Variants in GALNT9 observed in about 807,000 individuals in gnomAD.
The protein encoded by GALNT9 is polypeptide N-acetylgalactosaminyltransferase 9.
In GALNT9, 47 loss-of-function variants were observed where a neutral mutation model predicts 63.1. That is an observed-to-expected ratio of 0.75 (90% CI 0.59 to 0.95). The LOEUF is 0.95. GALNT9 is among the 40% of genes least tolerant of loss of function. GALNT9 has a pLI of 0.00. For synonymous variants in GALNT9, 396 were observed against 365.7 expected (o/e 1.08, Z -0.94); for missense variants, 829 against 874.8 (o/e 0.95, Z 0.66).
chr12:132,203,479 C>T (rs201063833), intron 7 of GALNT9, 26 bp downstream of exon 7: 45 of 1,610,440 alleles, frequency 2.8e-5, no homozygotes, highest in Middle Eastern at 3.3e-4. Flanking sequence ...GGCATGGCCC[C>T]GGCTCCCGGC....
intron 6 of GALNT9, among the ~76,000 whole-genome samples, chr12:132,228,407 G>A (rs899063211): frequency 7.5e-5 from 10 of 134,202 alleles, no homozygotes; most frequent in African/African-American, 2.2e-4. Context: ...GAGGCAGGGC[G>A]GCCCGTCAGC....
chr12:132,247,525 C>T, intron 6 of GALNT9: 1 of 459,598 alleles, frequency 2.2e-6, no homozygotes, highest in South Asian at 1.6e-5. Context: ...CTGGAGAGGG[C>T]TCAGTGCGCT....
chr12:132,247,999 C>G lies in GALNT9; in HGVS notation c.988G>C (p.Val330Leu), dbSNP rs782365948. 1 of 1,551,350 alleles carries G rather than the reference C, an allele frequency of 6.4e-7. No individual in the cohort carries two copies. Among genetic ancestry groups the G allele is most frequent in the Admixed American group, 2.0e-5 (1 of 51,012 alleles). ...RTPAMIGCSF[V>L]VDREYFGDIG... is the part of the protein sequence containing the mutation. ...TCTCCGAAGTACTCGCGGTCCACTA[C>G]GAAGGAGCAGCCGATCATGGCTGGG... The change falls in exon 6 of 11, where the codon GTA (valine) becomes CTA (leucine). Residue 330 changes from valine to leucine, a missense_variant. By Grantham distance (32) the Val-to-Leu change is conservative (BLOSUM62 1). Transcript: ENST00000328957.
At chr12:132,237,733 G>T (rs2136895531) in intron 6 of GALNT9, among the ~76,000 whole-genome samples, 2 of 152,208 alleles carry the variant, frequency 1.3e-5, no homozygotes, top group Non-Finnish European at 2.9e-5. Context: ...TGCTCAGTTC[G>T]GGGCCACCTG....
rs1372074753 is a variant in GALNT9 at position 132,245,493 on chromosome 12, G to C, written c.1077+2417C>G. Among the ~76,000 whole-genome samples the C allele has an allele frequency of 3.9e-5, 6 of 152,024 alleles. No individual in the cohort carries two copies. The highest frequency in any genetic ancestry group is 2.0e-4 in the Admixed American group (3 of 15,264). On this transcript the variant is annotated intron_variant, in intron 6 of 10. Transcript: ENST00000328957. The surrounding 1 kb of genome is among the most constrained non-coding windows in gnomAD (Gnocchi z 6.3). Reference sequence around the variant, plus strand: ...GGAGACGGGAGGGAAGCTCTCCAACGGCTGCAGCCAGGGCCCTCTGTGGTC... The same window carrying C: ...GGAGACGGGAGGGAAGCTCTCCAACCGCTGCAGCCAGGGCCCTCTGTGGTC...
Position 132,197,819 on chromosome 12 carries a change from T to C in GALNT9, c.1638A>G (p.Pro546=). The C allele has an allele frequency of 6.3e-7, 1 of 1,595,960 alleles. No homozygotes were observed. The highest frequency in any genetic ancestry group is 8.5e-7 in the Non-Finnish European group (1 of 1,172,304). The part of the protein sequence containing the change: ...TLKKCEDVAR[P]TQRLWDFTQS... ...GGGTGAAGTCCCACAGCCGCTGTGT[T>C]GGCCGCGCCACATCCTCACACTTCT... Residue 546 remains proline (P), a synonymous_variant, in exon 10 of 11, where the codon CCA becomes CCG. Transcript: ENST00000328957.
At position 132,201,413 on chromosome 12, in the gene GALNT9, A is replaced by ACCC. The variant is rs35906641; in HGVS notation, c.1264-155_1264-153dup. 8.8e-3 allele frequency: 5,165 copies of ACCC among 588,344 alleles called. 125 individuals carry two copies. The highest frequency in any genetic ancestry group is 0.071 in the East Asian group (2,490 of 35,028). The allele number at this position is 588,344 out of a possible 1,614,324, so 36.4% of individuals were successfully genotyped here. A position where few individuals can be genotyped will look rare whatever the true frequency, so the allele number is the denominator to read the frequency against. On this transcript the variant is annotated intron_variant, in intron 7 of 10. Transcript: ENST00000328957. ...GATGCTGAGGCCCCATCCAGTTGGG[A>ACCC]CCCCCCAGCCTCCTAATATCCACAG...
chr12:132,284,613 A>T (rs782409190), intron 2 of GALNT9: 12 of 152,266 alleles, frequency 7.9e-5, no homozygotes, highest in Non-Finnish European at 1.5e-4. Flanking sequence ...CACACTCTGG[A>T]TGTGGCTGAG....
At chr12:132,295,924 G>GAACAGGGAGA (rs1881047688) in intron 1 of GALNT9, among the ~76,000 whole-genome samples, 6 of 49,312 alleles carry the variant, frequency 1.2e-4, no homozygotes, top group African/African-American at 8.7e-4. Context: ...GAACAGGGAC[G>GAACAGGGAGA]GCCTCCGAAC....
At chr12:132,204,611 C>A (rs150185509) in intron 6 of GALNT9, among the ~76,000 whole-genome samples, 2 of 152,280 alleles carry the variant, frequency 1.3e-5, no homozygotes, top group Non-Finnish European at 2.9e-5. Flanking sequence ...AATCTCGGTA[C>A]CCTCAGCCCC....
chr12:132,268,378 C>T (rs2135549411), intron 2 of GALNT9, among the ~76,000 whole-genome samples: 2 of 152,314 alleles, frequency 1.3e-5, no homozygotes, highest in Middle Eastern at 6.8e-3. Context: ...GTACCTTCCA[C>T]CACATACAAA....
Position 132,294,455 on chromosome 12 carries a change from G to A in GALNT9, c.239-8025C>T, listed in dbSNP as rs137922017. Among the ~76,000 whole-genome samples the A allele has an allele frequency of 3.7e-3, 561 of 152,366 alleles. 1 individual carries two copies. The highest frequency in any genetic ancestry group is 0.012 in the African/African-American group (518 of 41,590). On this transcript the variant is annotated intron_variant, in intron 1 of 10. Transcript: ENST00000328957. ...AGAAGTGTCTGATCCACAGGTGCACGTCAGGCAGGAGACTCAGGAGCTCTG... is the reference window on the plus strand; with the variant it reads ...AGAAGTGTCTGATCCACAGGTGCACATCAGGCAGGAGACTCAGGAGCTCTG...
At chr12:132,291,510 A>G (rs1252008933) in intron 1 of GALNT9, among the ~76,000 whole-genome samples, 1 of 146,966 alleles carries the variant, frequency 6.8e-6, no homozygotes, top group African/African-American at 2.6e-5. Context: ...CCACGTCCAC[A>G]CCACCCACAT....
intron 6 of GALNT9, among the ~76,000 whole-genome samples, chr12:132,235,695 GAGTTCAACCCT>G (rs1877980103): frequency 9.3e-5 from 14 of 149,960 alleles, no homozygotes; most frequent in Middle Eastern, 3.4e-3. Flanking sequence ...CCCCGGGCTG[GAGTTCAACCCT>G]CGGGACAGGG....
chr12:132,258,225 C>G (rs1775348534), intron 4 of GALNT9, among the ~76,000 whole-genome samples: 1 of 152,210 alleles, frequency 6.6e-6, no homozygotes, highest in Admixed American at 6.5e-5. Flanking sequence ...CGGGGCTCCC[C>G]AGCTCGGTCT....
At chr12:132,214,628 C>T (rs914233293) in intron 6 of GALNT9, among the ~76,000 whole-genome samples, 25 of 152,370 alleles carry the variant, frequency 1.6e-4, no homozygotes, top group South Asian at 4.1e-4. Context: ...CCTGCTCACC[C>T]GGCCTTGCCC....
intron 2 of GALNT9, among the ~76,000 whole-genome samples, chr12:132,285,239 A>G (rs1306252962): frequency 6.6e-6 from 1 of 152,212 alleles, no homozygotes; most frequent in African/African-American, 2.4e-5. Flanking sequence ...ACGCGGCCCC[A>G]CTGGGCAGCC....
chr12:132,297,776 C>T (rs1269709040), intron 1 of GALNT9, among the ~76,000 whole-genome samples: 2 of 151,736 alleles, frequency 1.3e-5, no homozygotes, highest in Non-Finnish European at 2.9e-5. Context: ...GACAACCAAA[C>T]CGATCCCACA....
intron 3 of GALNT9, among the ~76,000 whole-genome samples, chr12:132,261,444 T>C (rs1422817282): frequency 1.3e-5 from 2 of 152,124 alleles, no homozygotes; most frequent in Non-Finnish European, 2.9e-5. Flanking sequence ...CATGCATGGA[T>C]GGGTGGACAC....
Sources: allele counts gnomAD v4.1 joint callset (sites outside exome capture counted in the v4.1 genomes callset), GRCh38; gene constraint gnomAD v4.1.1; non-coding constraint Gnocchi (gnomAD v3.1); transcripts MANE v1.5; gene names NCBI Gene and HGNC (gene_info 2026-07-23, HGNC 2026-07-21).